Variants in ZC3H12B observed in about 807,000 individuals in gnomAD.
The protein encoded by ZC3H12B is zinc finger CCCH-type containing 12B.
ZC3H12B carries 7 observed loss-of-function variants against 43.9 expected under a neutral mutation model. The ratio of observed to expected loss-of-function variants is 0.16; its 90% CI spans 0.09 to 0.30. ZC3H12B has a LOEUF of 0.30. ZC3H12B is among the 10% of genes least tolerant of loss of function. ZC3H12B has a pLI of 1.00. For missense variants in ZC3H12B, 475 were observed against 670.2 expected (o/e 0.71, Z 3.22); for synonymous variants, 222 against 241.7 (o/e 0.92, Z 0.76).
At chrX:65,164,006 C>T in the ZC3H12B span, among the ~76,000 whole-genome samples, 1 of 111,846 alleles carries the variant, frequency 8.9e-6, no homozygotes, top group African/African-American at 3.3e-5. Flanking sequence ...AACTACCTGT[C>T]GTTATAGCCT....
the ZC3H12B span, among the ~76,000 whole-genome samples, chrX:65,301,690 C>A: frequency 1.8e-5 from 2 of 110,858 alleles, no homozygotes; most frequent in African/African-American, 6.6e-5. Context: ...ATACCATGGA[C>A]TTGAGAAACT....
chrX:65,373,796 C>T (rs776568489), intron 2 of ZC3H12B, among the ~76,000 whole-genome samples: 5 of 91,527 alleles, frequency 5.5e-5, no homozygotes, highest in South Asian at 5.3e-4. Context: ...ATGTAAATGA[C>T]GAGTTAATGA....
the ZC3H12B span, among the ~76,000 whole-genome samples, chrX:65,155,751 T>C: frequency 9.0e-6 from 1 of 110,597 alleles, no homozygotes; most frequent in Non-Finnish European, 1.9e-5. Flanking sequence ...TACCAGCTAG[T>C]TGGGAGGTTG....
chrX:65,119,933 G>A, the ZC3H12B span, among the ~76,000 whole-genome samples: 2 of 111,695 alleles, frequency 1.8e-5, no homozygotes, highest in South Asian at 3.7e-4. Flanking sequence ...TTTTTGTCAG[G>A]TTTGTCAAAG....
At chrX:65,066,146 T>A in the ZC3H12B span, among the ~76,000 whole-genome samples, 1 of 110,549 alleles carries the variant, frequency 9.0e-6, no homozygotes, top group East Asian at 2.9e-4. Context: ...CTTCTGTCAG[T>A]TCGTCAAACT....
the ZC3H12B span, among the ~76,000 whole-genome samples, chrX:65,158,459 T>C: frequency 8.9e-6 from 1 of 111,866 alleles, no homozygotes; most frequent in Non-Finnish European, 1.9e-5. Flanking sequence ...TTAATGATTG[T>C]CATTCTAACT....
At chrX:65,196,134 C>T in the ZC3H12B span, among the ~76,000 whole-genome samples, 1 of 105,762 alleles carries the variant, frequency 9.5e-6, no homozygotes, top group Admixed American at 1.0e-4. Context: ...CCCCACCCCC[C>T]GCAGCTAGTG....
At chrX:65,461,308 A>T (rs761836622) in intron 3 of ZC3H12B, among the ~76,000 whole-genome samples, 66 of 111,735 alleles carry the variant, frequency 5.9e-4, no homozygotes, top group Non-Finnish European at 1.0e-3. Context: ...TTCTTCAGGG[A>T]TCTTGAACTA....
At chrX:65,381,507 A>T (rs764967153) in intron 2 of ZC3H12B, among the ~76,000 whole-genome samples, 2 of 111,745 alleles carry the variant, frequency 1.8e-5, no homozygotes, top group East Asian at 5.6e-4. Context: ...AGCAGGAAAG[A>T]TCCAAAATTG....
chrX:65,364,955 G>C (rs190264344), upstream of ZC3H12B, among the ~76,000 whole-genome samples: 221 of 111,420 alleles, frequency 2.0e-3, 3 homozygotes, highest in African/African-American at 7.1e-3. Flanking sequence ...TTCATGGGTA[G>C]AGGCCTTTCC....
chrX:65,212,976 C>A, the ZC3H12B span, among the ~76,000 whole-genome samples: 1 of 106,918 alleles, frequency 9.4e-6, no homozygotes, highest in Non-Finnish European at 1.9e-5. Flanking sequence ...TGTGTAATGC[C>A]ATTATTTGTT....
the ZC3H12B span, among the ~76,000 whole-genome samples, chrX:65,094,851 C>T: frequency 8.9e-6 from 1 of 111,780 alleles, no homozygotes; most frequent in African/African-American, 3.2e-5. Context: ...TGGTGGTTGC[C>T]TTGAGGAAAA....
chrX:65,060,820 A>C, the ZC3H12B span, among the ~76,000 whole-genome samples: 1 of 111,713 alleles, frequency 9.0e-6, no homozygotes, highest in Admixed American at 9.5e-5. Context: ...ATTTTTTAGA[A>C]TAGTTTATGT....
the ZC3H12B span, among the ~76,000 whole-genome samples, chrX:65,260,636 CTGTT>C: frequency 8.9e-6 from 1 of 111,950 alleles, no homozygotes; most frequent in South Asian, 3.6e-4. Flanking sequence ...TGCTCATACA[CTGTT>C]TGTGGAAATG....
chrX:65,341,767 C>A, the ZC3H12B span, among the ~76,000 whole-genome samples: 9 of 108,777 alleles, frequency 8.3e-5, no homozygotes, highest in African/African-American at 2.7e-4. Context: ...CACTTAAGTA[C>A]ACAGATCAGT....
the ZC3H12B span, among the ~76,000 whole-genome samples, chrX:65,352,964 C>CA: frequency 1.8e-5 from 2 of 111,231 alleles, no homozygotes; most frequent in African/African-American, 6.6e-5. Context: ...CCTCCCACCT[C>CA]AGCCTGCCAA....
At chrX:65,376,793 A>T (rs1333821750) in intron 2 of ZC3H12B, among the ~76,000 whole-genome samples, 1 of 111,241 alleles carries the variant, frequency 9.0e-6, no homozygotes, top group Non-Finnish European at 1.9e-5. Flanking sequence ...CCTTCTCAAG[A>T]TGGACTGAGT....
the ZC3H12B span, among the ~76,000 whole-genome samples, chrX:65,040,295 A>G: frequency 2.7e-5 from 3 of 109,606 alleles, no homozygotes; most frequent in Non-Finnish European, 3.8e-5. Context: ...ATTCTTGCTG[A>G]GTTTAATCTT....
the ZC3H12B span, among the ~76,000 whole-genome samples, chrX:65,212,236 T>G: frequency 7.0e-5 from 1 of 14,244 alleles, no homozygotes; most frequent in East Asian, 3.0e-3. Context: ...TATTATATAG[T>G]ATAATTATTA....
Sources: gnomAD v4.1 joint callset for allele counts (sites outside exome capture counted in the v4.1 genomes callset) on GRCh38, gnomAD v4.1.1 for gene constraint, MANE v1.5 for transcripts, NCBI Gene and HGNC (gene_info 2026-07-23, HGNC 2026-07-21) for gene names.